The following CERS6 variants were observed in gnomAD, a reference collection of about 807,000 sequenced individuals.
CERS6 encodes LAG1 homolog, ceramide synthase 6.
In CERS6, 26 loss-of-function variants were observed where a neutral mutation model predicts 56.8. The observed-to-expected ratio is 0.46, with a 90% CI of 0.34 to 0.63. The LOEUF (loss-of-function observed/expected upper bound fraction) is 0.63, where lower values mean the gene tolerates loss of function less well. Ranked by LOEUF, CERS6 falls within the 30% of genes least tolerant of loss-of-function variation. The probability of loss-of-function intolerance (pLI) is 0.01; values close to 1 mark genes in which losing one functional copy is unlikely to be tolerated. For missense variants in CERS6, 415 were observed against 467.5 expected (o/e 0.89, Z 1.04); for synonymous variants, 164 against 173.3 (o/e 0.95, Z 0.42).
In CERS6 at chr2:168,765,684, G is replaced by T. The variant is rs765701588; in HGVS notation, c.938G>T (p.Gly313Val). The change falls in exon 9 of 10, where the codon GGG becomes GTG. Residue 313 changes from glycine to valine, a missense_variant. Coordinates refer to ENST00000305747, the MANE Select transcript of CERS6 (RefSeq NM_203463.3). ...AACCTACTGCTATTGCTAGTACAAGGGTTGAACTGCTTCTGGTCTTACTTG... is the reference window on the plus strand; with the variant it reads ...AACCTACTGCTATTGCTAGTACAAGTGTTGAACTGCTTCTGGTCTTACTTG... ...VFNLLLLLVQ[G>V]LNCFWSYLIV... is the part of the protein sequence containing the mutation. The T allele has an allele frequency of 6.2e-7, 1 of 1,614,064 alleles. No homozygotes were observed. Among genetic ancestry groups the T allele is most frequent in the Non-Finnish European group, 8.5e-7 (1 of 1,179,936 alleles).
At chr2:168,714,868 G>A (rs62174433) in intron 6 of CERS6, 133 bp from the exon 7 acceptor site, 15,220 of 721,236 alleles carry the variant, frequency 0.021, 246 homozygotes, top group South Asian at 0.054. Context: ...AGAATTATAC[G>A]TTATTCATAC....
intron 4 of CERS6, among the ~76,000 whole-genome samples, chr2:168,686,997 A>G (rs944024003): frequency 1.3e-5 from 2 of 152,220 alleles, no homozygotes; most frequent in Non-Finnish European, 2.9e-5. Flanking sequence ...ACCAGACTCC[A>G]TAGAAACTTC....
intron 7 of CERS6, among the ~76,000 whole-genome samples, chr2:168,716,386 C>T (rs1687226924): frequency 6.6e-6 from 1 of 152,080 alleles, no homozygotes; most frequent in Non-Finnish European, 1.5e-5. Context: ...AATTAGCCAA[C>T]TTCATTGCCT....
At chr2:168,471,197 A>T (rs1693971589) in intron 1 of CERS6, among the ~76,000 whole-genome samples, 1 of 151,876 alleles carries the variant, frequency 6.6e-6, no homozygotes, top group Non-Finnish European at 1.5e-5. Context: ...GCCAGAACCT[A>T]CTCTGTCTTA....
At chr2:168,741,592 C>T (rs78800777) in intron 8 of CERS6, among the ~76,000 whole-genome samples, 11,488 of 152,058 alleles carry the variant, frequency 0.076, 564 homozygotes, top group Non-Finnish European at 0.1. Context: ...CAAAGCAGCC[C>T]GTGGGCCACA....
chr2:168,664,167 C>T (rs1685699860), intron 4 of CERS6, among the ~76,000 whole-genome samples: 1 of 152,218 alleles, frequency 6.6e-6, no homozygotes, highest in Admixed American at 6.5e-5. Context: ...CCCTGCCTTA[C>T]TTGCAGCCAA....
At position 168,555,719 on chromosome 2, in the gene CERS6, A is replaced by ACT. The variant is rs201192319; in HGVS notation, c.277-5470_277-5469dup. 5.3e-3 allele frequency among the ~76,000 whole-genome samples: 461 copies of ACT among 86,324 alleles called. 5 individuals are homozygous for ACT. Among genetic ancestry groups the ACT allele is most frequent in the East Asian group, 0.023 (88 of 3,798 alleles). 56.6% of individuals were successfully genotyped at this position (86,324 alleles called of 152,430 possible). On this transcript the variant is annotated intron_variant, in intron 2 of 9. Coordinates refer to ENST00000305747, the MANE Select transcript of CERS6 (RefSeq NM_203463.3). ...AATTTATTCTAGGAAAGTATAATTG[A>ACT]CTCTGTGTGTGTGTGTGTGTGTGTG... is the stretch of plus-strand genomic sequence containing the variant.
intron 4 of CERS6, among the ~76,000 whole-genome samples, chr2:168,664,767 G>A (rs963695640): frequency 2.0e-5 from 3 of 152,176 alleles, no homozygotes; most frequent in Admixed American, 2.0e-4. Context: ...ACTGCAAACT[G>A]TTTTATCAGC....
chr2:168,551,300 C>T (rs1433462525), intron 2 of CERS6, among the ~76,000 whole-genome samples: 2 of 152,130 alleles, frequency 1.3e-5, no homozygotes, highest in African/African-American at 2.4e-5. Context: ...GTCTCTCTCT[C>T]CTCCCCCATC....
intron 1 of CERS6, among the ~76,000 whole-genome samples, chr2:168,491,360 C>A (rs1313759618): frequency 6.6e-6 from 1 of 152,174 alleles, no homozygotes; most frequent in African/African-American, 2.4e-5. Context: ...TGAACTTAAT[C>A]ATTTCCAAGT....
rs71003054 is a variant in CERS6, at chr2:168,763,241, T to TC, written c.846-2351_846-2350insC. ...ATAATTGTTTCTCTCTCTCTCTCTC[T>TC]TTTTTTTTTTTTTTTTTTGAGACAG... On this transcript the variant is annotated intron_variant, in intron 8 of 9. Coordinates refer to ENST00000305747, the MANE Select transcript of CERS6 (RefSeq NM_203463.3). Among the ~76,000 whole-genome samples the TC allele has an allele frequency of 1.2e-3, 25 of 20,888 alleles. No individual in the cohort carries two copies. In the East Asian group the frequency reaches 0.065, roughly 54 times the overall value. 13.7% of individuals were successfully genotyped at this position (20,888 alleles called of 152,430 possible). A position where few individuals can be genotyped will look rare whatever the true frequency, so the allele number is the denominator to read the frequency against.
At chr2:168,526,824 A>G (rs879612041) in intron 1 of CERS6, among the ~76,000 whole-genome samples, 1 of 152,248 alleles carries the variant, frequency 6.6e-6, no homozygotes, top group African/African-American at 2.4e-5. Context: ...CTGGTCAGTT[A>G]GTATCTCTTT....
At chr2:168,688,176 T>C (rs951820797) in intron 4 of CERS6, among the ~76,000 whole-genome samples, 1 of 152,206 alleles carries the variant, frequency 6.6e-6, no homozygotes, top group Non-Finnish European at 1.5e-5. Flanking sequence ...GGTTTTAGTG[T>C]ATTTTTAATC....
chr2:168,768,693 G>A (rs1303230524), intron 9 of CERS6, among the ~76,000 whole-genome samples: 2 of 151,848 alleles, frequency 1.3e-5, no homozygotes, highest in Non-Finnish European at 1.5e-5. Flanking sequence ...ATCACCTGAG[G>A]TCAGGAGTTC....
chr2:168,666,682 T>C (rs947697889), intron 4 of CERS6, among the ~76,000 whole-genome samples: 2 of 152,228 alleles, frequency 1.3e-5, no homozygotes, highest in African/African-American at 4.8e-5. Context: ...TCAAACAATA[T>C]TCATTTTCAC....
intron 4 of CERS6, among the ~76,000 whole-genome samples, chr2:168,671,152 A>T (rs1192564432): frequency 7.9e-5 from 12 of 151,746 alleles, no homozygotes; most frequent in Admixed American, 5.9e-4. Context: ...TTTTCAGTAG[A>T]GACAGGGTTT....
At chr2:168,593,693 T>C (rs1381640725) in intron 3 of CERS6, among the ~76,000 whole-genome samples, 1 of 152,232 alleles carries the variant, frequency 6.6e-6, no homozygotes, top group African/African-American at 2.4e-5. Context: ...TTCTTCCCCC[T>C]TTTTTAATAG....
chr2:168,743,559 TAAA>T (rs1683993444), intron 8 of CERS6, among the ~76,000 whole-genome samples: 1 of 152,008 alleles, frequency 6.6e-6, no homozygotes, highest in Non-Finnish European at 1.5e-5. Flanking sequence ...CTCAAAAAAA[TAAA>T]AAAGAGTTGC....
At chr2:168,665,333 T>C (rs1218715061) in intron 4 of CERS6, among the ~76,000 whole-genome samples, 1 of 152,126 alleles carries the variant, frequency 6.6e-6, no homozygotes, top group Non-Finnish European at 1.5e-5. Flanking sequence ...ATACGGTGGG[T>C]ATAACATAAG....
Sources: allele counts gnomAD v4.1 joint callset (sites outside exome capture counted in the v4.1 genomes callset), GRCh38; gene constraint gnomAD v4.1.1; transcripts MANE v1.5; gene names NCBI Gene and HGNC (gene_info 2026-07-23, HGNC 2026-07-21).